The following PKLR variants were observed in gnomAD, a reference collection of about 807,000 sequenced individuals.
The protein encoded by PKLR is pyruvate kinase PKLR.
PKLR carries 38 observed loss-of-function variants against 53.6 expected under a neutral mutation model. The observed-to-expected ratio is 0.71, with a 90% CI of 0.55 to 0.93. The LOEUF (loss-of-function observed/expected upper bound fraction) is 0.93, where lower values mean the gene tolerates loss of function less well. Among genes scored for constraint, PKLR ranks in the 40% least tolerant of loss-of-function variants. The pLI is 0.00. For synonymous variants in PKLR, 328 were observed against 316.2 expected (o/e 1.04, Z -0.39); for missense variants, 702 against 787.3 (o/e 0.89, Z 1.30).
chr1:155,291,975 AAAGTGGTG>A, intron 9 of PKLR, 38 bp from the exon 10 acceptor site: 1 of 1,593,334 alleles, frequency 6.3e-7, no homozygotes, highest in Non-Finnish European at 8.6e-7. Flanking sequence ...GAACAGCAAG[AAAGTGGTG>A]AACGAGGAAA....
intron 10 of PKLR, 59 bp downstream of exon 10, chr1:155,291,697 G>C: frequency 6.6e-7 from 1 of 1,507,996 alleles, no homozygotes; most frequent in Admixed American, 1.7e-5. Context: ...ATGGGAAGCT[G>C]GGTTGGGGGG....
upstream of PKLR, among the ~76,000 whole-genome samples, chr1:155,304,127 G>A (rs1419180514): frequency 4.6e-5 from 7 of 152,042 alleles, no homozygotes; most frequent in Middle Eastern, 3.2e-3. Context: ...GGTCCCTCCC[G>A]CTGCTGGGTA....
the PKLR span, chr1:155,308,644 C>G: frequency 8.1e-5 from 80 of 985,438 alleles, no homozygotes; most frequent in East Asian, 1.1e-4. Flanking sequence ...TGGCTCGCTT[C>G]CGGCACTGAC....
intron 2 of PKLR, among the ~76,000 whole-genome samples, chr1:155,299,266 C>T (rs1382501775): frequency 4.6e-5 from 7 of 150,972 alleles, no homozygotes; most frequent in Non-Finnish European, 7.4e-5. Context: ...TCATGACTCA[C>T]TGCAGCCGTG....
At chr1:155,308,412 C>T in the PKLR span, 1 of 308,666 alleles carries the variant, frequency 3.2e-6, no homozygotes, top group Non-Finnish European at 4.7e-6. Context: ...GCACACATTA[C>T]CTCATGGTAT....
chr1:155,295,913 C>T lies in PKLR; in HGVS notation c.284-157G>A, dbSNP rs574994170. On this transcript the variant is annotated intron_variant, in intron 2 of 10. Transcript: ENST00000342741. The surrounding 1 kb of genome is among the most constrained non-coding windows in gnomAD (Gnocchi z 4.3). ...ACCCCTGCCCACAGATCACAGACTC[C>T]CCTTCCCTCTCAAGCCAACATCCAT... Among the ~76,000 whole-genome samples, 1 of 152,322 alleles carries T rather than the reference C, an allele frequency of 6.6e-6. No homozygotes were observed. Among genetic ancestry groups the T allele is most frequent in the African/African-American group, 2.4e-5 (1 of 41,574 alleles).
rs1037626336 is a variant in PKLR at position 155,289,469 on chromosome 1, C to T, written c.*1103G>A. 1 of 152,278 alleles carries T rather than the reference C, an allele frequency of 6.6e-6. No individual in the cohort carries two copies. The highest frequency in any genetic ancestry group is 2.4e-5 in the African/African-American group (1 of 41,452). 9.4% of individuals were successfully genotyped at this position (152,278 alleles called of 1,614,324 possible). A position where few individuals can be genotyped will look rare whatever the true frequency, so the allele number is the denominator to read the frequency against. On this transcript the variant is annotated 3_prime_UTR_variant, in exon 11 of 11. Coordinates refer to ENST00000342741, the MANE Select transcript of PKLR (RefSeq NM_000298.6). ...TGGTCCTTGCCCAAACCCATCAGCGCAATACTTGAACCTTCTCCCAGGTAG... is the reference window on the plus strand; with the variant it reads ...TGGTCCTTGCCCAAACCCATCAGCGTAATACTTGAACCTTCTCCCAGGTAG...
chr1:155,300,449 T>C (rs998989302), intron 1 of PKLR, among the ~76,000 whole-genome samples, 169 bp from the exon 2 acceptor site: 7 of 152,208 alleles, frequency 4.6e-5, no homozygotes, highest in Admixed American at 4.6e-4. Context: ...AAATGTTCTA[T>C]AATTATCCAA....
rs1258865253 is a variant in PKLR at position 155,299,016 on chromosome 1, TTCTTTCTTTCTTTCTTTC to T, written c.283+1064_283+1081del. Among the ~76,000 whole-genome samples the T allele has an allele frequency of 2.9e-3, 237 of 82,468 alleles. 6 individuals are homozygous for T. Among genetic ancestry groups the T allele is most frequent in the African/African-American group, 0.013 (186 of 13,958 alleles). 54.1% of individuals were successfully genotyped at this position (82,468 alleles called of 152,430 possible). On this transcript the variant is annotated intron_variant, in intron 2 of 10. Coordinates refer to ENST00000342741, the MANE Select transcript of PKLR (RefSeq NM_000298.6). ...TTTCTTTCTTTCTTTCTTTCTTTCT[TTCTTTCTTTCTTTCTTTC>T]TCTTTCTTTCTTTCTTTCCTTCCTT...
Position 155,295,871 on chromosome 1 carries a change from C to G in PKLR, c.284-115G>C. On this transcript the variant is annotated intron_variant, in intron 2 of 10. Coordinates refer to ENST00000342741, the MANE Select transcript of PKLR (RefSeq NM_000298.6). The surrounding 1 kb of genome is among the most constrained non-coding windows in gnomAD (Gnocchi z 4.3). The stretch of plus-strand genomic sequence containing the variant: ...CGCCACAGGCGTCCTGTTACCTGAT[C>G]TTTATTCCCTGATGCAACCCCTGCC... The G allele has an allele frequency of 1.2e-6, 1 of 841,004 alleles. No individual in the cohort carries two copies. The highest frequency in any genetic ancestry group is 2.0e-6 in the Non-Finnish European group (1 of 501,484). 52.1% of individuals were successfully genotyped at this position (841,004 alleles called of 1,614,324 possible).
At chr1:155,290,774 A>C (rs959697794) in intron 10 of PKLR, 96 bp from the exon 11 acceptor site, 1 of 767,272 alleles carries the variant, frequency 1.3e-6, no homozygotes, top group Non-Finnish European at 2.3e-6. Flanking sequence ...GGATCACCTG[A>C]GGTCAGGAGT....
At chr1:155,306,115 C>A (rs1214346821), upstream of PKLR, among the ~76,000 whole-genome samples, 5 of 152,188 alleles carry the variant, frequency 3.3e-5, no homozygotes, top group Admixed American at 2.0e-4. This position sits in a 1 kb window ranked among gnomAD's most constrained non-coding sequence, Gnocchi z 4.2. Context: ...GTTTCCTCAG[C>A]AGTCTGGCTG....
At position 155,289,733 on chromosome 1, in the gene PKLR, C is replaced by T. The variant is rs1448839770; in HGVS notation, c.*839G>A. The T allele has an allele frequency of 1.3e-5, 2 of 152,288 alleles. No individual in the cohort carries two copies. The highest frequency in any genetic ancestry group is 2.9e-5 in the Non-Finnish European group (2 of 68,058). 9.4% of individuals were successfully genotyped at this position (152,288 alleles called of 1,614,324 possible). ...TCTACAGCATTAAAGACTGTGGGAC[C>T]AGGACCCTAAGTCTCCTTTCCTTCT... On this transcript the variant is annotated 3_prime_UTR_variant, in exon 11 of 11. Transcript: ENST00000342741.
At chr1:155,307,487 A>G in the PKLR span, among the ~76,000 whole-genome samples, 270 of 152,332 alleles carry the variant, frequency 1.8e-3, no homozygotes, top group African/African-American at 6.3e-3. Context: ...TACAGGTCAT[A>G]AAGACCTTGC....
At position 155,295,843 on chromosome 1, in the gene PKLR, T is replaced by C. The variant is rs1647562081; in HGVS notation, c.284-87A>G. The C allele has an allele frequency of 7.0e-6, 8 of 1,141,448 alleles. No homozygotes were observed. The highest frequency in any genetic ancestry group is 1.1e-5 in the Non-Finnish European group (8 of 756,702). The allele number at this position is 1,141,448 out of a possible 1,614,324, so 70.7% of individuals were successfully genotyped here. On this transcript the variant is annotated intron_variant, in intron 2 of 10. Coordinates refer to ENST00000342741, the MANE Select transcript of PKLR (RefSeq NM_000298.6). This position sits in a 1 kb window ranked among gnomAD's most constrained non-coding sequence, Gnocchi z 4.3. ...AACCCATTACCATTCTCAGAACGCC[T>C]CACGCCACAGGCGTCCTGTTACCTG...
intron 9 of PKLR, among the ~76,000 whole-genome samples, chr1:155,292,501 G>A (rs1647264997): frequency 6.6e-6 from 1 of 152,120 alleles, no homozygotes; most frequent in African/African-American, 2.4e-5. Context: ...GCAGGGCGTT[G>A]TGGCATGCGC....
At position 155,289,945 on chromosome 1, in the gene PKLR, A is replaced by C. The variant is rs1674460098; in HGVS notation, c.*627T>G. 6.5e-6 allele frequency: 1 copy of C among 153,056 alleles called. No individual in the cohort carries two copies. Among genetic ancestry groups the C allele is most frequent in the African/African-American group, 2.4e-5 (1 of 41,422 alleles). 9.5% of individuals were successfully genotyped at this position (153,056 alleles called of 1,614,324 possible). A position where few individuals can be genotyped will look rare whatever the true frequency, so the allele number is the denominator to read the frequency against. Reference sequence around the variant, plus strand: ...CGGGGATTTGACCAAGCAGGGTATCAGGCAGGCATGAGAGCAGCCAGGACA... The same window carrying C: ...CGGGGATTTGACCAAGCAGGGTATCCGGCAGGCATGAGAGCAGCCAGGACA... On this transcript the variant is annotated 3_prime_UTR_variant, in exon 11 of 11. Transcript: ENST00000342741.
chr1:155,292,043 T>C (rs1489660284), intron 9 of PKLR, 106 bp from the exon 10 acceptor site: 7 of 1,069,456 alleles, frequency 6.5e-6, no homozygotes, highest in South Asian at 1.3e-5. Context: ...TGTGTGACCC[T>C]GGGTAAGTCA....
chr1:155,299,163 CTCTCTCTTTCTT>C (rs1459123727), intron 2 of PKLR, among the ~76,000 whole-genome samples: 2 of 127,816 alleles, frequency 1.6e-5, no homozygotes, highest in Non-Finnish European at 3.2e-5. Flanking sequence ...CCTTCTTTCT[CTCTCTCTTTCTT>C]TCTTTCTTTC....
Sources: allele counts gnomAD v4.1 joint callset (sites outside exome capture counted in the v4.1 genomes callset), GRCh38; gene constraint gnomAD v4.1.1; non-coding constraint Gnocchi (gnomAD v3.1); transcripts MANE v1.5; gene names NCBI Gene and HGNC (gene_info 2026-07-23, HGNC 2026-07-21).